CMC1: variants seen among roughly 807,000 people sequenced by gnomAD.
CMC1 encodes the protein COX assembly mitochondrial protein homolog.
CMC1 carries 14 observed loss-of-function variants against 14.1 expected under a neutral mutation model. That is an observed-to-expected ratio of 0.99 (90% CI 0.66 to 1.55). The LOEUF (loss-of-function observed/expected upper bound fraction) is 1.55, where lower values mean the gene tolerates loss of function less well. CMC1 is among the 40% of genes most tolerant of loss of function. The probability of loss-of-function intolerance (pLI) is 0.00; values close to 1 mark genes in which losing one functional copy is unlikely to be tolerated. For synonymous variants in CMC1, 50 were observed against 38.4 expected (o/e 1.30, Z -1.12); for missense variants, 127 against 123.8 (o/e 1.03, Z -0.12).
intron 2 of CMC1, among the ~76,000 whole-genome samples, chr3:28,273,841 G>T (rs887731328): frequency 5.3e-5 from 8 of 152,140 alleles, no homozygotes; most frequent in African/African-American, 1.9e-4. Context: ...ATGGATCCCT[G>T]TACCATTATG....
intron 2 of CMC1, among the ~76,000 whole-genome samples, chr3:28,272,851 A>AT (rs1255117221): frequency 2.6e-5 from 4 of 151,410 alleles, no homozygotes; most frequent in Non-Finnish European, 4.4e-5. Flanking sequence ...CGCCTGGCAA[A>AT]TTTTTTTGTG....
At chr3:28,298,448 AAT>A (rs1701858468) in intron 2 of CMC1, 1 of 148,362 alleles carries the variant, frequency 6.7e-6, no homozygotes, top group Non-Finnish European at 1.5e-5. Flanking sequence ...TTCTATATAA[AAT>A]ATATTTTTAT....
chr3:28,309,940 A>G (rs1156503054), intron 2 of CMC1, among the ~76,000 whole-genome samples: 5 of 75,100 alleles, frequency 6.7e-5, no homozygotes, highest in Non-Finnish European at 1.2e-4. Context: ...CCTGACGTCC[A>G]CCACACACAC....
Position 28,298,444 on chromosome 3 carries a change from A to G in CMC1, c.110-17889A>G, listed in dbSNP as rs147370091. The stretch of plus-strand genomic sequence containing the variant: ...TTATATTTTATATATAATATTCTAT[A>G]TAAAATATATTTTTATATATAAAGT... On this transcript the variant is annotated intron_variant, in intron 2 of 3. Coordinates refer to ENST00000466830, the MANE Select transcript of CMC1 (RefSeq NM_182523.2). 12 of 148,374 alleles carry G rather than the reference A, an allele frequency of 8.1e-5. No individual in the cohort carries two copies. In the East Asian group the frequency reaches 1.9e-3, roughly 24 times the overall value. The allele number at this position is 148,374 out of a possible 1,614,324, so 9.2% of individuals were successfully genotyped here.
intron 2 of CMC1, among the ~76,000 whole-genome samples, chr3:28,313,412 A>AT (rs2125606345): frequency 6.6e-6 from 1 of 152,310 alleles, no homozygotes; most frequent in South Asian, 2.1e-4. Flanking sequence ...TTTAATAGTA[A>AT]TTAAAATTAT....
chr3:28,278,181 C>T (rs1472267672), intron 2 of CMC1, among the ~76,000 whole-genome samples: 1 of 122,176 alleles, frequency 8.2e-6, no homozygotes, highest in Non-Finnish European at 1.7e-5. Flanking sequence ...AAAGTAGAGG[C>T]AACAGAGAAA....
At chr3:28,299,898 C>A (rs1577072539) in intron 2 of CMC1, among the ~76,000 whole-genome samples, 1 of 152,138 alleles carries the variant, frequency 6.6e-6, no homozygotes, top group South Asian at 2.1e-4. Context: ...AGTGTGACAG[C>A]AATATCATAA....
intron 2 of CMC1, among the ~76,000 whole-genome samples, chr3:28,288,178 T>C (rs1485878500): frequency 6.6e-6 from 1 of 152,100 alleles, no homozygotes; most frequent in South Asian, 2.1e-4. Context: ...TAGTTTCCTG[T>C]GTAAAATGAA....
chr3:28,279,814 A>G lies in CMC1; in HGVS notation c.109+16434A>G, dbSNP rs143122991. ...CTTGTAGGACAATAACATAAGGACA[A>G]CCTTCATGTAAATGGAATGGCATAC... On this transcript the variant is annotated intron_variant, in intron 2 of 3. Coordinates refer to ENST00000466830, the MANE Select transcript of CMC1 (RefSeq NM_182523.2). Among the ~76,000 whole-genome samples the G allele has an allele frequency of 1.5e-3, 222 of 152,350 alleles. 1 individual carries two copies. Among genetic ancestry groups the G allele is most frequent in the African/African-American group, 4.9e-3 (202 of 41,586 alleles).
intron 2 of CMC1, among the ~76,000 whole-genome samples, chr3:28,313,766 T>TA (rs1702756793): frequency 6.6e-6 from 1 of 152,236 alleles, no homozygotes; most frequent in African/African-American, 2.4e-5. Flanking sequence ...AGGACATTTT[T>TA]ACTAATATTA....
rs1166945998 is a variant in CMC1 at position 28,321,614 on chromosome 3, G to A, written c.*1985G>A. On this transcript the variant is annotated 3_prime_UTR_variant, in exon 4 of 4. Transcript: ENST00000466830. Reference sequence around the variant, plus strand: ...CCCTGTTAATATGTGGTAACCCACAGGTTTTTTACCCCTTAAGATACACCT... The same window carrying A: ...CCCTGTTAATATGTGGTAACCCACAAGTTTTTTACCCCTTAAGATACACCT... 1 of 151,220 alleles carries A rather than the reference G, an allele frequency of 6.6e-6. No homozygotes were observed. Among genetic ancestry groups the A allele is most frequent in the African/African-American group, 2.4e-5 (1 of 41,304 alleles). The allele number at this position is 151,220 out of a possible 1,614,324, so 9.4% of individuals were successfully genotyped here.
intron 2 of CMC1, among the ~76,000 whole-genome samples, chr3:28,306,185 A>G (rs891601830): frequency 6.6e-6 from 1 of 152,100 alleles, no homozygotes; most frequent in African/African-American, 2.4e-5. Context: ...TTTTGGTTGC[A>G]TATAAATTTT....
At chr3:28,317,070 T>C (rs1193107049) in intron 3 of CMC1, 1 of 152,088 alleles carries the variant, frequency 6.6e-6, no homozygotes, top group Non-Finnish European at 1.5e-5. Context: ...GTTAATTGAA[T>C]GTTGAGAGAT....
At chr3:28,317,530 A>T (rs1200170817) in intron 3 of CMC1, 1 of 152,120 alleles carries the variant, frequency 6.6e-6, no homozygotes, top group African/African-American at 2.4e-5. Flanking sequence ...GAATTATTAA[A>T]TTCTGTCTTA....
intron 2 of CMC1, among the ~76,000 whole-genome samples, chr3:28,304,288 T>C (rs1245371962): frequency 6.6e-6 from 1 of 152,112 alleles, no homozygotes; most frequent in Non-Finnish European, 1.5e-5. Context: ...TATTTTATAT[T>C]CCTTTTGTCA....
At chr3:28,262,622 T>C (rs1299431490) in intron 1 of CMC1, among the ~76,000 whole-genome samples, 1 of 152,198 alleles carries the variant, frequency 6.6e-6, no homozygotes, top group East Asian at 1.9e-4. Flanking sequence ...TTTAATCTGA[T>C]CTAATCTGCC....
intron 2 of CMC1, among the ~76,000 whole-genome samples, chr3:28,269,194 G>C (rs1188674511): frequency 6.6e-6 from 1 of 152,178 alleles, no homozygotes; most frequent in Non-Finnish European, 1.5e-5. Flanking sequence ...AGGGGGCTTA[G>C]AACGTATCCC....
intron 3 of CMC1, chr3:28,317,632 G>A (rs978957801): frequency 1.3e-5 from 2 of 151,964 alleles, no homozygotes; most frequent in African/African-American, 4.8e-5. Context: ...AGTTGGGGGA[G>A]CTCTAGAGCA....
At chr3:28,305,609 C>A (rs1702263609) in intron 2 of CMC1, among the ~76,000 whole-genome samples, 2 of 152,000 alleles carry the variant, frequency 1.3e-5, no homozygotes, top group Admixed American at 1.3e-4. Flanking sequence ...AGTATTTTCT[C>A]CTTTTCTCTA....
Sources: gnomAD v4.1 joint callset for allele counts (sites outside exome capture counted in the v4.1 genomes callset) on GRCh38, gnomAD v4.1.1 for gene constraint, MANE v1.5 for transcripts, NCBI Gene and HGNC (gene_info 2026-07-23, HGNC 2026-07-21) for gene names.